Variants in KAT6B observed in about 807,000 individuals in gnomAD.
The protein encoded by KAT6B is histone acetyltransferase KAT6B.
KAT6B carries 10 observed loss-of-function variants against 187.5 expected under a neutral mutation model. The ratio of observed to expected loss-of-function variants is 0.05; its 90% CI spans 0.03 to 0.09. KAT6B has a LOEUF of 0.09. Among genes scored for constraint, KAT6B ranks in the 10% least tolerant of loss-of-function variants. The pLI is 1.00. For synonymous variants in KAT6B, 861 were observed against 926.8 expected (o/e 0.93, Z 1.29); for missense variants, 1,952 against 2,558.9 (o/e 0.76, Z 5.12).
chr10:74,885,292 G>C (rs1436161505), intron 3 of KAT6B, among the ~76,000 whole-genome samples: 1 of 151,990 alleles, frequency 6.6e-6, no homozygotes, highest in Non-Finnish European at 1.5e-5. Context: ...AGCTGGTCTG[G>C]ACTCCAGGCC....
chr10:74,916,331 A>T (rs1210737700), intron 3 of KAT6B, among the ~76,000 whole-genome samples: 1 of 152,200 alleles, frequency 6.6e-6, no homozygotes, highest in African/African-American at 2.4e-5. Context: ...TTGATAATTC[A>T]TAGTTGTAAA....
At position 74,851,265 on chromosome 10, in the gene KAT6B, T is replaced by G. The variant is rs374707060; in HGVS notation, c.621+7787T>G. Among the ~76,000 whole-genome samples, 25 of 150,508 alleles carry G rather than the reference T, an allele frequency of 1.7e-4. 2 individuals are homozygous for G. The East Asian group carries it at 4.1e-3, about 25-fold the overall frequency. On this transcript the variant is annotated intron_variant, in intron 3 of 17. Coordinates refer to ENST00000287239, the MANE Select transcript of KAT6B (RefSeq NM_012330.4). The stretch of plus-strand genomic sequence containing the variant: ...TGGGGATTACAGGCATGTGCCACCA[T>G]GCCCGGCTAATTTTTGTATTTTTAG...
chr10:74,968,757 A>G (rs1306822754), intron 4 of KAT6B, among the ~76,000 whole-genome samples: 1 of 152,212 alleles, frequency 6.6e-6, no homozygotes, highest in East Asian at 1.9e-4. Flanking sequence ...ATGTGATAAA[A>G]GACCATTAGA....
At chr10:74,990,476 T>C (rs1843066503) in intron 13 of KAT6B, among the ~76,000 whole-genome samples, 1 of 152,152 alleles carries the variant, frequency 6.6e-6, no homozygotes, top group Non-Finnish European at 1.5e-5. Flanking sequence ...TTTGGACTGA[T>C]TTATATGATT....
chr10:74,859,175 G>C (rs1843003529), intron 3 of KAT6B, among the ~76,000 whole-genome samples: 3 of 152,088 alleles, frequency 2.0e-5, no homozygotes. Flanking sequence ...CCACCTCCCA[G>C]GTTCAAGCAA....
At chr10:74,999,787 A>G (rs1191585701) in intron 13 of KAT6B, among the ~76,000 whole-genome samples, 1 of 152,208 alleles carries the variant, frequency 6.6e-6, no homozygotes, top group Non-Finnish European at 1.5e-5. Context: ...TCCCCCAGAG[A>G]TTCAGTGCCC....
chr10:74,903,082 C>A (rs1253684979), intron 3 of KAT6B, among the ~76,000 whole-genome samples: 1 of 152,134 alleles, frequency 6.6e-6, no homozygotes, highest in African/African-American at 2.4e-5. Context: ...TGCTTTTAAA[C>A]GAACAGGGAT....
chr10:74,842,578 TC>T (rs1034438608), intron 2 of KAT6B, 21 bp from the exon 3 acceptor site: 12 of 585,172 alleles, frequency 2.1e-5, no homozygotes, highest in African/African-American at 1.7e-4. Context: ...TAAGAGACTT[TC>T]CCCTCTTTTT....
At chr10:74,955,666 T>C (rs1840638335) in intron 3 of KAT6B, among the ~76,000 whole-genome samples, 1 of 151,974 alleles carries the variant, frequency 6.6e-6, no homozygotes, top group South Asian at 2.1e-4. Context: ...TCATAACACT[T>C]TACTCCTATA....
At chr10:74,960,213 G>T in intron 4 of KAT6B, 135 bp downstream of exon 4, 1 of 715,558 alleles carries the variant, frequency 1.4e-6, no homozygotes, top group Non-Finnish European at 2.5e-6. Context: ...AATTTTAAAA[G>T]AAAAAGTAAG....
At chr10:74,948,981 G>A (rs1840132342) in intron 3 of KAT6B, among the ~76,000 whole-genome samples, 1 of 152,106 alleles carries the variant, frequency 6.6e-6, no homozygotes, top group Non-Finnish European at 1.5e-5. Context: ...TTGAAGTCTG[G>A]ACCTGCTCCA....
At chr10:74,967,485 G>T (rs1373313189) in intron 4 of KAT6B, among the ~76,000 whole-genome samples, 1 of 152,176 alleles carries the variant, frequency 6.6e-6, no homozygotes, top group African/African-American at 2.4e-5. Flanking sequence ...ACGGTCTTTT[G>T]TGTTATTTTA....
intron 3 of KAT6B, among the ~76,000 whole-genome samples, chr10:74,935,539 G>T (rs1849207260): frequency 6.6e-6 from 1 of 152,206 alleles, no homozygotes; most frequent in African/African-American, 2.4e-5. Flanking sequence ...CTGGCTTCAA[G>T]CAGTCCTCCT....
intron 13 of KAT6B, among the ~76,000 whole-genome samples, chr10:75,017,772 G>T (rs987053607): frequency 4.6e-5 from 7 of 152,250 alleles, no homozygotes; most frequent in Non-Finnish European, 7.3e-5. Context: ...CATCCACCAA[G>T]CACGCCAGTG....
At chr10:74,927,272 A>G (rs908923059) in intron 3 of KAT6B, among the ~76,000 whole-genome samples, 5 of 152,046 alleles carry the variant, frequency 3.3e-5, no homozygotes, top group African/African-American at 9.7e-5. Context: ...ATTAGGAGTC[A>G]TATCTTTTGA....
intron 3 of KAT6B, among the ~76,000 whole-genome samples, chr10:74,957,986 A>G (rs1397236573): frequency 6.6e-6 from 1 of 152,256 alleles, no homozygotes; most frequent in Non-Finnish European, 1.5e-5. Flanking sequence ...GGCTACAGAA[A>G]TACATTTGCA....
intron 3 of KAT6B, among the ~76,000 whole-genome samples, chr10:74,878,813 G>A (rs1325238113): frequency 1.3e-5 from 2 of 152,066 alleles, no homozygotes; most frequent in Non-Finnish European, 2.9e-5. Context: ...AGTGGTGTCT[G>A]GCCAAACTGT....
At chr10:74,870,193 T>G (rs551701369) in intron 3 of KAT6B, among the ~76,000 whole-genome samples, 16 of 152,184 alleles carry the variant, frequency 1.1e-4, no homozygotes, top group South Asian at 2.1e-4. Context: ...GGCAGGAGGA[T>G]CAATCACTTG....
At chr10:74,826,304 T>G (rs1840212273), upstream of KAT6B, among the ~76,000 whole-genome samples, 1 of 152,058 alleles carries the variant, frequency 6.6e-6, no homozygotes, top group Admixed American at 6.5e-5. Flanking sequence ...GAAAAAGGGC[T>G]GGACCAATAG....
Sources: allele counts gnomAD v4.1 joint callset (sites outside exome capture counted in the v4.1 genomes callset), GRCh38; gene constraint gnomAD v4.1.1; transcripts MANE v1.5; gene names NCBI Gene and HGNC (gene_info 2026-07-23, HGNC 2026-07-21).